Variants in ARG1 observed in about 807,000 individuals in gnomAD.
ARG1 encodes arginase 1.
ARG1 carries 20 observed loss-of-function variants against 33.0 expected under a neutral mutation model. The observed-to-expected ratio is 0.61, with a 90% CI of 0.43 to 0.88. The LOEUF is 0.88. Ranked by LOEUF, ARG1 falls within the 40% of genes least tolerant of loss-of-function variation. ARG1 has a pLI of 0.00. For missense variants in ARG1, 374 were observed against 384.7 expected, an observed-to-expected ratio of 0.97 and a Z score of 0.23; for synonymous variants, 146 against 140.6, an observed-to-expected ratio of 1.04 and a Z score of -0.27.
At chr6:131,580,732 TTC>T (rs1197930636) in intron 3 of ARG1, among the ~76,000 whole-genome samples, 3 of 150,708 alleles carry the variant, frequency 2.0e-5, no homozygotes. Context: ...ATGTAAGAAC[TTC>T]TGAGTGATGC....
chr6:131,574,156 T>C lies in ARG1; in HGVS notation c.57+817T>C, dbSNP rs553531190. The stretch of plus-strand genomic sequence containing the variant: ...AACACGCATCTGTGCTTAAAGAGGA[T>C]AAAAAACAAAGAACAAAATCAAACA... On this transcript the variant is annotated intron_variant, in intron 1 of 7. Transcript: ENST00000368087. 6.3e-6 allele frequency: 7 copies of C among 1,107,534 alleles called. No individual in the cohort carries two copies. In the South Asian group the frequency reaches 7.6e-5, roughly 12 times the overall value. 68.6% of individuals were successfully genotyped at this position (1,107,534 alleles called of 1,614,324 possible).
In ARG1 at chr6:131,573,317, G is replaced by C. The variant is rs147419581; in HGVS notation, c.35G>C (p.Gly12Ala). ...SAKSRTIGII[G>A]APFSKGQPRG... ...AAGTCCAGAACCATAGGGATTATTG[G>C]AGCTCCTTTCTCAAAGGGACAGGTA... The change falls in exon 1 of 8, where the codon GGA becomes GCA. Residue 12 changes from glycine to alanine, a missense_variant. Gly to Ala is a moderately conservative substitution (Grantham distance 60). Coordinates refer to ENST00000368087, the MANE Select transcript of ARG1 (RefSeq NM_000045.4). 1.2e-6 allele frequency: 2 copies of C among 1,613,944 alleles called. No individual in the cohort carries two copies. Among genetic ancestry groups the C allele is most frequent in the African/African-American group, 2.7e-5 (2 of 74,894 alleles).
chr6:131,574,340 G>C (rs769413406), intron 1 of ARG1: 1 of 1,611,950 alleles, frequency 6.2e-7, no homozygotes, highest in East Asian at 2.2e-5. Flanking sequence ...GGCCCAAACT[G>C]CATTTGGACT....
Position 131,583,807 on chromosome 6 carries a change from A to G in ARG1, c.868A>G (p.Thr290Ala). The change falls in exon 8 of 8, where the codon ACT (threonine) becomes GCT (alanine). Residue 290 changes from threonine (T) to alanine (A), a missense_variant. Thr to Ala is a moderately conservative substitution (Grantham distance 58, BLOSUM62 0). Coordinates refer to ENST00000368087, the MANE Select transcript of ARG1 (RefSeq NM_000045.4). ...PSLGKTPEEV[T>A]RTVNTAVAIT... is the part of the protein sequence containing the mutation. ...CCTGGGGAAGACACCAGAAGAAGTAACTCGAACAGTGAACACAGCAGTTGC... is the reference window on the plus strand; with the variant it reads ...CCTGGGGAAGACACCAGAAGAAGTAGCTCGAACAGTGAACACAGCAGTTGC... The G allele has an allele frequency of 6.2e-7, 1 of 1,614,092 alleles. No individual in the cohort carries two copies.
chr6:131,577,635 C>T (rs1284423769), intron 2 of ARG1, among the ~76,000 whole-genome samples: 3 of 151,828 alleles, frequency 2.0e-5, no homozygotes, highest in Non-Finnish European at 2.9e-5. Flanking sequence ...GGCACGGTGG[C>T]TGAGGCCTGT....
At position 131,583,068 on chromosome 6, in the gene ARG1, T is replaced by G. The variant is rs1774018016; in HGVS notation, c.569T>G (p.Leu190Trp). 1 of 1,612,302 alleles carries G rather than the reference T, an allele frequency of 6.2e-7. No homozygotes were observed. The highest frequency in any genetic ancestry group is 8.5e-7 in the Non-Finnish European group (1 of 1,178,648). ...TAATTTCTCTTTTATAGCTACATTT[T>G]GAAAACTCTAGGCATTAAATACTTT... Reference protein sequence around the residue: ...RDVDPGEHYILKTLGIKYFSM... With the variant: ...RDVDPGEHYIWKTLGIKYFSM... The change falls in exon 6 of 8, where the codon TTG (leucine) becomes TGG (tryptophan). Residue 190 changes from leucine to tryptophan, a missense_variant. By Grantham distance (61) the Leu-to-Trp change is moderately conservative. Coordinates refer to ENST00000368087, the MANE Select transcript of ARG1 (RefSeq NM_000045.4).
chr6:131,584,101 A>G lies in ARG1; in HGVS notation c.*193A>G. 1.5e-6 allele frequency: 1 copy of G among 647,410 alleles called. No individual in the cohort carries two copies. The highest frequency in any genetic ancestry group is 2.6e-6 in the Non-Finnish European group (1 of 391,748). 40.1% of individuals were successfully genotyped at this position (647,410 alleles called of 1,614,324 possible). ...AAATTCTAACTTTTTTGAAATTTAA[A>G]AGCTTATATTTTCTAACTTGGCAAA... On this transcript the variant is annotated 3_prime_UTR_variant, in exon 8 of 8. Transcript: ENST00000368087.
chr6:131,582,265 C>T (rs1395392061), intron 4 of ARG1, among the ~76,000 whole-genome samples: 1 of 152,104 alleles, frequency 6.6e-6, no homozygotes, highest in East Asian at 1.9e-4. Context: ...CACAAATTTC[C>T]CTCAGCTGCT....
At chr6:131,580,975 T>TG (rs1365921704) in intron 3 of ARG1, among the ~76,000 whole-genome samples, 7 of 152,152 alleles carry the variant, frequency 4.6e-5, no homozygotes, top group African/African-American at 1.7e-4. Context: ...AGGTGGATTT[T>TG]GGGAAAAAAA....
At chr6:131,583,198 G>A (rs1162777923) in intron 6 of ARG1, 34 bp downstream of exon 6, 1 of 1,602,000 alleles carries the variant, frequency 6.2e-7, no homozygotes, top group East Asian at 2.2e-5. Context: ...ACATGTGTGT[G>A]CAACAGAAAA....
At chr6:131,578,034 A>C (rs1432864638) in intron 2 of ARG1, among the ~76,000 whole-genome samples, 1 of 152,176 alleles carries the variant, frequency 6.6e-6, no homozygotes, top group African/African-American at 2.4e-5. Context: ...CTGGAAAGAC[A>C]AAAGCATAGC....
rs571619062 is a variant in ARG1 at position 131,579,214 on chromosome 6, G to A, written c.234G>A (p.Glu78=). ...KNPRSVGKAS[E]QLAGKVAEVK... Reference sequence around the variant, plus strand: ...CAAGGTCTGTGGGAAAAGCAAGCGAGCAGCTGGCTGGCAAGGTGGCAGAAG... The same window carrying A: ...CAAGGTCTGTGGGAAAAGCAAGCGAACAGCTGGCTGGCAAGGTGGCAGAAG... Residue 78 remains glutamate (E), a synonymous_variant, in exon 3 of 8, where the codon GAG becomes GAA. Transcript: ENST00000368087. The A allele has an allele frequency of 2.2e-5, 35 of 1,614,138 alleles. No homozygotes were observed. In the East Asian group the frequency reaches 7.6e-4, roughly 35 times the overall value.
At chr6:131,582,976 A>G in intron 5 of ARG1, 84 bp from the exon 6 acceptor site, 1 of 955,376 alleles carries the variant, frequency 1.0e-6, no homozygotes, top group Non-Finnish European at 1.6e-6. Flanking sequence ...TATATATTTT[A>G]CTATATTTAT....
At position 131,579,457 on chromosome 6, in the gene ARG1, C is replaced by A. The variant is rs902517886; in HGVS notation, c.305+172C>A. ...TTACTTTTATTATAGAAACAGACTT[C>A]GCTCAATTTGAAGTCTTACAATATC... On this transcript the variant is annotated intron_variant, in intron 3 of 7. Transcript: ENST00000368087. 9.5e-6 allele frequency: 6 copies of A among 629,866 alleles called. No individual in the cohort carries two copies. In the African/African-American group the frequency reaches 1.1e-4, roughly 12 times the overall value. The allele number at this position is 629,866 out of a possible 1,614,324, so 39.0% of individuals were successfully genotyped here. A position where few individuals can be genotyped will look rare whatever the true frequency, so the allele number is the denominator to read the frequency against.
chr6:131,582,313 G>A (rs1422579273), intron 4 of ARG1, among the ~76,000 whole-genome samples: 2 of 152,114 alleles, frequency 1.3e-5, no homozygotes, highest in Non-Finnish European at 2.9e-5. Context: ...ACTGAGAAAG[G>A]GAAGTAAAGA....
chr6:131,573,226 G>A lies in ARG1; in HGVS notation c.-57G>A. 6.3e-7 allele frequency: 1 copy of A among 1,598,468 alleles called. No homozygotes were observed. Among genetic ancestry groups the A allele is most frequent in the Non-Finnish European group, 8.6e-7 (1 of 1,165,882 alleles). Reference sequence around the variant, plus strand: ...AATGGAAAAAAAAGATGCGCCCTCTGTCACTGAGGGTTGACTGACTGGAGA... The same window carrying A: ...AATGGAAAAAAAAGATGCGCCCTCTATCACTGAGGGTTGACTGACTGGAGA... On this transcript the variant is annotated 5_prime_UTR_variant, in exon 1 of 8. Transcript: ENST00000368087.
At chr6:131,575,976 T>C (rs1325658766) in intron 1 of ARG1, among the ~76,000 whole-genome samples, 1 of 152,212 alleles carries the variant, frequency 6.6e-6, no homozygotes, top group African/African-American at 2.4e-5. Context: ...TGTGAGTACA[T>C]GCACGTAGGT....
chr6:131,582,486 T>A (rs917703933), intron 4 of ARG1, 135 bp from the exon 5 acceptor site: 17 of 743,546 alleles, frequency 2.3e-5, no homozygotes, highest in Non-Finnish European at 3.9e-5. Context: ...TAATTGTGTA[T>A]TATTTTTACA....
At position 131,584,085 on chromosome 6, in the gene ARG1, CT is replaced by C. The variant is rs1562362355; in HGVS notation, c.*183del. On this transcript the variant is annotated 3_prime_UTR_variant, in exon 8 of 8. Transcript: ENST00000368087. ...AAAATTCAAGATGTGGAAATTCTAA[CT>C]TTTTTGAAATTTAAAAGCTTATATT... 1.4e-6 allele frequency: 1 copy of C among 733,752 alleles called. No individual in the cohort carries two copies. The highest frequency in any genetic ancestry group is 2.1e-6 in the Non-Finnish European group (1 of 466,776). 45.5% of individuals were successfully genotyped at this position (733,752 alleles called of 1,614,324 possible). A position where few individuals can be genotyped will look rare whatever the true frequency, so the allele number is the denominator to read the frequency against.
Sources: gnomAD v4.1 joint callset for allele counts (sites outside exome capture counted in the v4.1 genomes callset) on GRCh38, gnomAD v4.1.1 for gene constraint, MANE v1.5 for transcripts, NCBI Gene and HGNC (gene_info 2026-07-23, HGNC 2026-07-21) for gene names.